The following TRAPPC9 variants were observed in gnomAD, a reference collection of about 807,000 sequenced individuals.
TRAPPC9 encodes the protein trafficking protein particle complex subunit 9.
TRAPPC9 carries 83 observed loss-of-function variants against 124.0 expected under a neutral mutation model. The ratio of observed to expected loss-of-function variants is 0.67; its 90% CI spans 0.56 to 0.80. The LOEUF (loss-of-function observed/expected upper bound fraction) is 0.80, where lower values mean the gene tolerates loss of function less well. TRAPPC9 is among the 30% of genes least tolerant of loss of function. The pLI is 0.00. For missense variants in TRAPPC9, 1,302 were observed against 1,508.3 expected (o/e 0.86, Z 2.27); for synonymous variants, 638 against 617.5 (o/e 1.03, Z -0.49).
chr8:140,229,557 C>G (rs182981835), intron 16 of TRAPPC9, among the ~76,000 whole-genome samples: 1 of 151,750 alleles, frequency 6.6e-6, no homozygotes, highest in East Asian at 1.9e-4. Flanking sequence ...TAGGTGTGAG[C>G]CACCGCACCC....
At chr8:139,733,427 G>C (rs1817965304) in intron 21 of TRAPPC9, among the ~76,000 whole-genome samples, 1 of 152,002 alleles carries the variant, frequency 6.6e-6, no homozygotes, top group Non-Finnish European at 1.5e-5. Context: ...CGCTGTGGCA[G>C]CCCTAGCAGG....
upstream of TRAPPC9, chr8:140,458,195 A>T: frequency 6.5e-7 from 1 of 1,549,586 alleles, no homozygotes; most frequent in East Asian, 2.4e-5. Flanking sequence ...GAGGGACCGG[A>T]GCAAGAGAAC....
chr8:140,203,256 C>T (rs1423427748), intron 17 of TRAPPC9, among the ~76,000 whole-genome samples: 4 of 152,288 alleles, frequency 2.6e-5, no homozygotes, highest in African/African-American at 9.6e-5. Flanking sequence ...GAAAACACAC[C>T]CGCAGGTATT....
At chr8:140,138,355 C>T (rs1441282570) in intron 17 of TRAPPC9, among the ~76,000 whole-genome samples, 1 of 152,114 alleles carries the variant, frequency 6.6e-6, no homozygotes, top group African/African-American at 2.4e-5. Context: ...CTGGAGTGTA[C>T]TAAACTATGT....
chr8:140,101,212 T>C (rs1283452638), intron 17 of TRAPPC9, among the ~76,000 whole-genome samples: 1 of 152,230 alleles, frequency 6.6e-6, no homozygotes, highest in African/African-American at 2.4e-5. Flanking sequence ...CCATCTTGGC[T>C]AACTCCAGCC....
intron 20 of TRAPPC9, among the ~76,000 whole-genome samples, chr8:139,902,957 A>G (rs1156864325): frequency 6.6e-6 from 1 of 152,206 alleles, no homozygotes; most frequent in African/African-American, 2.4e-5. Context: ...CTGCTGGTGA[A>G]GCCCAAATAA....
At position 139,851,618 on chromosome 8, in the gene TRAPPC9, C is replaced by T. The variant is rs544830779; in HGVS notation, c.3055+34261G>A. On this transcript the variant is annotated intron_variant, in intron 21 of 22. Coordinates refer to ENST00000438773, the MANE Select transcript of TRAPPC9 (RefSeq NM_001160372.4). ...GGATAGCACTAACACGAGAACACAG[C>T]CTGGGAATCCTGGAGAGTGCCGGAA... 3.3e-5 allele frequency among the ~76,000 whole-genome samples: 5 copies of T among 152,302 alleles called. No individual in the cohort carries two copies. The South Asian group carries it at 1.0e-3, about 32-fold the overall frequency.
intron 17 of TRAPPC9, among the ~76,000 whole-genome samples, chr8:140,043,080 C>T (rs1841369837): frequency 1.3e-5 from 2 of 152,190 alleles, no homozygotes; most frequent in Admixed American, 1.3e-4. Flanking sequence ...CCCCCACTCT[C>T]CCTGCCTGAT....
chr8:140,049,027 C>G (rs972558994), intron 17 of TRAPPC9, among the ~76,000 whole-genome samples: 1 of 152,186 alleles, frequency 6.6e-6, no homozygotes, highest in East Asian at 1.9e-4. Context: ...GGGGTGGTTA[C>G]AGACCAAACC....
At chr8:140,338,288 A>G (rs2067097693) in intron 9 of TRAPPC9, among the ~76,000 whole-genome samples, 1 of 152,214 alleles carries the variant, frequency 6.6e-6, no homozygotes, top group Non-Finnish European at 1.5e-5. Context: ...AAGGAGGCAC[A>G]GGGGAGGTCT....
intron 5 of TRAPPC9, among the ~76,000 whole-genome samples, chr8:140,416,119 A>G (rs2069920065): frequency 6.6e-6 from 1 of 152,234 alleles, no homozygotes; most frequent in Non-Finnish European, 1.5e-5. Flanking sequence ...CAAAAACCAA[A>G]GTTCATTCTT....
At chr8:139,911,683 T>C (rs930546182) in intron 19 of TRAPPC9, among the ~76,000 whole-genome samples, 5 of 151,276 alleles carry the variant, frequency 3.3e-5, no homozygotes, top group African/African-American at 1.2e-4. Flanking sequence ...CCAGCCTAAA[T>C]GGCAGAGTGA....
intron 17 of TRAPPC9, among the ~76,000 whole-genome samples, chr8:140,206,555 G>A (rs554185879): frequency 1.2e-4 from 19 of 152,126 alleles, no homozygotes; most frequent in Admixed American, 6.5e-4. Flanking sequence ...CTGGCTAGGG[G>A]TGAGTCACAG....
rs151298060 is a variant in TRAPPC9 at position 140,365,706 on chromosome 8, A to C, written c.1351+5258T>G. Among the ~76,000 whole-genome samples the C allele has an allele frequency of 5.4e-4, 83 of 152,368 alleles. No homozygotes were observed. The East Asian group carries it at 0.015, about 28-fold the overall frequency. ...TGTCACCTAAAATACCAAGAAACAG[A>C]GAAGAAAATGGGAACAATCACCTTT... On this transcript the variant is annotated intron_variant, in intron 8 of 22. Coordinates refer to ENST00000438773, the MANE Select transcript of TRAPPC9 (RefSeq NM_001160372.4).
intron 9 of TRAPPC9, among the ~76,000 whole-genome samples, chr8:140,331,661 G>C (rs952892265): frequency 1.5e-5 from 2 of 130,080 alleles, no homozygotes. Context: ...TGAAAAAGCA[G>C]GCAAAAGACG....
At chr8:139,906,961 A>T (rs1463304658) in intron 20 of TRAPPC9, among the ~76,000 whole-genome samples, 1 of 152,014 alleles carries the variant, frequency 6.6e-6, no homozygotes, top group Non-Finnish European at 1.5e-5. Context: ...GGCCCTCTTC[A>T]TCTCTCTACG....
At chr8:140,152,551 G>C (rs924669428) in intron 17 of TRAPPC9, among the ~76,000 whole-genome samples, 1 of 148,850 alleles carries the variant, frequency 6.7e-6, no homozygotes, top group Non-Finnish European at 1.5e-5. Flanking sequence ...TTTTTTTTTA[G>C]TAGAGACGGG....
At chr8:139,969,101 G>T (rs1371809885) in intron 19 of TRAPPC9, among the ~76,000 whole-genome samples, 1 of 152,264 alleles carries the variant, frequency 6.6e-6, no homozygotes, top group Non-Finnish European at 1.5e-5. Flanking sequence ...GATCGTGCAT[G>T]TCTAACGCAG....
At chr8:140,174,615 C>T (rs1486100160) in intron 17 of TRAPPC9, among the ~76,000 whole-genome samples, 1 of 152,192 alleles carries the variant, frequency 6.6e-6, no homozygotes, top group African/African-American at 2.4e-5. Context: ...AATCTGCCTT[C>T]TGTCTCCATG....
Sources: allele counts gnomAD v4.1 joint callset (sites outside exome capture counted in the v4.1 genomes callset), GRCh38; gene constraint gnomAD v4.1.1; transcripts MANE v1.5; gene names NCBI Gene and HGNC (gene_info 2026-07-23, HGNC 2026-07-21).